The following METTL6 variants were observed in gnomAD, a reference collection of about 807,000 sequenced individuals.
The protein encoded by METTL6 is tRNA N(3)-cytidine methyltransferase METTL6.
Under a neutral mutation model 26.4 loss-of-function variants are expected in METTL6, and 22 were observed. The observed-to-expected ratio is 0.83, with a 90% CI of 0.59 to 1.19. METTL6 has a LOEUF of 1.19. METTL6 is among the 50% of genes most tolerant of loss of function. METTL6 has a pLI of 0.00. For missense variants in METTL6, 304 were observed against 324.8 expected (o/e 0.94, Z 0.49); for synonymous variants, 109 against 116.2 (o/e 0.94, Z 0.40).
chr3:15,385,999 G>A (rs908982581), intron 6 of METTL6, among the ~76,000 whole-genome samples: 6 of 152,176 alleles, frequency 3.9e-5, no homozygotes, highest in Non-Finnish European at 7.3e-5. Flanking sequence ...AAGTTTATTA[G>A]AGAAGAAAAG....
intron 3 of METTL6, among the ~76,000 whole-genome samples, chr3:15,424,150 A>AG (rs11430032): frequency 1 from 152,356 of 152,356 alleles, 76,178 homozygotes; most frequent in Non-Finnish European, 1. Context: ...ACTGCATTTC[A>AG]ACTGGGTGAC....
chr3:15,396,957 G>C (rs1326048471), intron 6 of METTL6, among the ~76,000 whole-genome samples: 1 of 152,198 alleles, frequency 6.6e-6, no homozygotes, highest in Admixed American at 6.5e-5. Flanking sequence ...GAGGCAGTCT[G>C]TCCGTTCTCA....
chr3:15,385,160 T>C (rs1699158775), intron 6 of METTL6, among the ~76,000 whole-genome samples: 1 of 152,122 alleles, frequency 6.6e-6, no homozygotes, highest in Admixed American at 6.6e-5. Flanking sequence ...GGCTGATAAA[T>C]TACCCAAAAT....
exon 7 of METTL6, chr3:15,384,052 C>A: frequency 2.8e-6 from 1 of 354,600 alleles, no homozygotes; most frequent in Non-Finnish European, 5.3e-6. Context: ...TAAAGGGTTA[C>A]CAGGCAAAAT....
Position 15,409,943 on chromosome 3 carries a change from T to C in METTL6, c.*1313A>G, listed in dbSNP as rs767238836. The stretch of plus-strand genomic sequence containing the variant: ...TATTTTAGTCTACTTGGCCTCATTT[T>C]TCCCCATGGTTGTCTGACATGTTGC... On this transcript the variant is annotated 3_prime_UTR_variant, in exon 6 of 6. Transcript: ENST00000383790. Among the ~76,000 whole-genome samples the C allele has an allele frequency of 3.9e-5, 6 of 152,228 alleles. No homozygotes were observed. Among genetic ancestry groups the C allele is most frequent in the African/African-American group, 1.4e-4 (6 of 41,460 alleles).
chr3:15,425,682 C>T (rs986957958), intron 2 of METTL6, among the ~76,000 whole-genome samples: 8 of 152,316 alleles, frequency 5.3e-5, no homozygotes, highest in African/African-American at 1.7e-4. Flanking sequence ...CTGCCTCAGC[C>T]TCTGGAGTAG....
At chr3:15,415,544 T>G (rs1306814343) in intron 4 of METTL6, 1 of 1,598,914 alleles carries the variant, frequency 6.3e-7, no homozygotes, top group Non-Finnish European at 8.5e-7. Context: ...AAATCATCCT[T>G]GTCCCAGGGC....
chr3:15,403,491 T>C (rs1023742828), intron 6 of METTL6, among the ~76,000 whole-genome samples: 1 of 152,168 alleles, frequency 6.6e-6, no homozygotes, highest in Non-Finnish European at 1.5e-5. Context: ...ACTGTGAAAA[T>C]ATTCTTTCCA....
intron 6 of METTL6, among the ~76,000 whole-genome samples, chr3:15,388,358 G>A (rs554652122): frequency 7.4e-4 from 113 of 152,204 alleles, no homozygotes; most frequent in African/African-American, 2.6e-3. Flanking sequence ...TGATTCGCCC[G>A]CCTCGGCCTC....
chr3:15,425,860 C>T (rs1028419295), intron 2 of METTL6, among the ~76,000 whole-genome samples: 1 of 152,254 alleles, frequency 6.6e-6, no homozygotes, highest in African/African-American at 2.4e-5. Context: ...ATATTTCTCT[C>T]CTAAAACGCA....
At position 15,426,768 on chromosome 3, in the gene METTL6, GACAA is replaced by G. The variant is rs1192471786; in HGVS notation, c.-124-137_-124-134del. The G allele has an allele frequency of 5.0e-5, 26 of 520,786 alleles. 1 individual carries two copies. The highest frequency in any genetic ancestry group is 3.0e-4 in the African/African-American group (16 of 52,656). 32.3% of individuals were successfully genotyped at this position (520,786 alleles called of 1,614,324 possible). ...CCGCTATATGAGAGGTCACAAAGAA[GACAA>G]ACACACAGTCCCTACCTTCAGTGGG... On this transcript the variant is annotated intron_variant, in intron 1 of 5. Coordinates refer to ENST00000383790, the MANE Select transcript of METTL6 (RefSeq NM_152396.4).
At chr3:15,397,009 A>T (rs1699506347) in intron 6 of METTL6, among the ~76,000 whole-genome samples, 1 of 152,136 alleles carries the variant, frequency 6.6e-6, no homozygotes, top group Non-Finnish European at 1.5e-5. Flanking sequence ...CTCTCTTCAA[A>T]GCTGTCAGAC....
Position 15,410,184 on chromosome 3 carries a change from G to GT in METTL6, c.*1071dup, listed in dbSNP as rs1036540797. ...TATTTTTTAATACAAAAAGTACATA[G>GT]TAGCCCCCCGTATCTGCGGGTGGTA... On this transcript the variant is annotated 3_prime_UTR_variant, in exon 6 of 6. Transcript: ENST00000383790. Among the ~76,000 whole-genome samples the GT allele has an allele frequency of 3.3e-5, 5 of 151,652 alleles. No individual in the cohort carries two copies. Among genetic ancestry groups the GT allele is most frequent in the African/African-American group, 7.3e-5 (3 of 41,290 alleles).
rs529149214 is a variant in METTL6 at position 15,424,880 on chromosome 3, T to A, written c.360+75A>T. ...CCAGGGAAGACTAGAATTGGGCAAA[T>A]GAATAAAAAAGGCAGATCAAACAAG... On this transcript the variant is annotated intron_variant, in intron 3 of 5. Coordinates refer to ENST00000383790, the MANE Select transcript of METTL6 (RefSeq NM_152396.4). The A allele has an allele frequency of 4.4e-6, 7 of 1,596,468 alleles. 1 individual carries two copies. The Admixed American group carries it at 8.9e-5, about 20-fold the overall frequency.
intron 6 of METTL6, among the ~76,000 whole-genome samples, chr3:15,403,560 T>G (rs1699705667): frequency 6.6e-6 from 1 of 152,200 alleles, no homozygotes; most frequent in Non-Finnish European, 1.5e-5. Flanking sequence ...TCTTTTTCCT[T>G]CTCCTGGTTT....
intron 3 of METTL6, among the ~76,000 whole-genome samples, chr3:15,423,166 C>T (rs1329093567): frequency 2.6e-5 from 4 of 151,500 alleles, no homozygotes; most frequent in African/African-American, 7.3e-5. Flanking sequence ...GAGGCCAAGG[C>T]GGGTGGATTA....
chr3:15,411,125 C>G lies in METTL6; in HGVS notation c.*131G>C. The stretch of plus-strand genomic sequence containing the variant: ...GGCCAGGCTGGTCTCAAACTCCTGA[C>G]CTCAGATGATCCCCCAACCTCGGCC... On this transcript the variant is annotated 3_prime_UTR_variant, in exon 6 of 6. Coordinates refer to ENST00000383790, the MANE Select transcript of METTL6 (RefSeq NM_152396.4). The G allele has an allele frequency of 1.0e-6, 1 of 992,368 alleles. No homozygotes were observed. Among genetic ancestry groups the G allele is most frequent in the South Asian group, 1.7e-5 (1 of 58,190 alleles). 61.5% of individuals were successfully genotyped at this position (992,368 alleles called of 1,614,324 possible). A position where few individuals can be genotyped will look rare whatever the true frequency, so the allele number is the denominator to read the frequency against.
At chr3:15,418,573 C>T (rs2061542180) in intron 3 of METTL6, among the ~76,000 whole-genome samples, 1 of 152,102 alleles carries the variant, frequency 6.6e-6, no homozygotes, top group African/African-American at 2.4e-5. Context: ...GAAAATGTTA[C>T]ACACATAACT....
At chr3:15,407,381 G>A (rs189908759), downstream of METTL6, among the ~76,000 whole-genome samples, 13 of 152,136 alleles carry the variant, frequency 8.5e-5, no homozygotes, top group East Asian at 1.9e-3. Flanking sequence ...TTAGAATTTG[G>A]GGCATAATTA....
Sources: gnomAD v4.1 joint callset for allele counts (sites outside exome capture counted in the v4.1 genomes callset) on GRCh38, gnomAD v4.1.1 for gene constraint, MANE v1.5 for transcripts, NCBI Gene and HGNC (gene_info 2026-07-23, HGNC 2026-07-21) for gene names.